The following LTBP2 variants were observed in gnomAD, a reference collection of about 807,000 sequenced individuals.
The protein encoded by LTBP2 is latent-transforming growth factor beta-binding protein 2.
LTBP2 carries 103 observed loss-of-function variants against 210.6 expected under a neutral mutation model. The ratio of observed to expected loss-of-function variants is 0.49; its 90% CI spans 0.42 to 0.58. The LOEUF (loss-of-function observed/expected upper bound fraction) is 0.58, where lower values mean the gene tolerates loss of function less well. LTBP2 is among the 20% of genes least tolerant of loss of function. LTBP2 has a pLI of 0.00. For synonymous variants in LTBP2, 1,007 were observed against 1,015.0 expected (o/e 0.99, Z 0.15); for missense variants, 2,313 against 2,494.5 (o/e 0.93, Z 1.55).
chr14:74,587,240 G>T (rs1474396715), intron 2 of LTBP2, among the ~76,000 whole-genome samples: 3 of 152,052 alleles, frequency 2.0e-5, no homozygotes, highest in Admixed American at 1.3e-4. Flanking sequence ...TCCATCTGTC[G>T]CTCATTCATT....
chr14:74,510,037 G>A, intron 20 of LTBP2, 54 bp downstream of exon 20: 1 of 1,613,526 alleles, frequency 6.2e-7, no homozygotes, highest in Non-Finnish European at 8.5e-7. Context: ...CAGAGGGGAG[G>A]GAGCCACAAG....
Position 74,507,272 on chromosome 14 carries a change from C to G in LTBP2, c.3814G>C (p.Gly1272Arg), listed in dbSNP as rs771205831. Reference protein sequence around the residue: ...ECEDYGDPVCGTWKCENSPGS... With the variant: ...ECEDYGDPVCRTWKCENSPGS... ...GGGCTGTTTTCACACTTCCAGGTGC[C>G]ACACACCGGGTCTCCATAGTCCTCA... is the stretch of plus-strand genomic sequence containing the variant. Residue 1272 changes from glycine (G) to arginine (R), a missense_variant, in exon 26 of 36, where the codon GGC becomes CGC. Transcript: ENST00000261978. 4 of 1,614,212 alleles carry G rather than the reference C, an allele frequency of 2.5e-6. No individual in the cohort carries two copies. The highest frequency in any genetic ancestry group is 2.5e-6 in the Non-Finnish European group (3 of 1,180,024).
chr14:74,504,721 A>T, intron 30 of LTBP2, 57 bp downstream of exon 30: 1 of 1,550,178 alleles, frequency 6.5e-7, no homozygotes, highest in Non-Finnish European at 8.9e-7. Context: ...CCTGTGGAGG[A>T]GCAGGCTAGG....
intron 8 of LTBP2, among the ~76,000 whole-genome samples, chr14:74,548,907 A>G (rs1595268396): frequency 6.6e-6 from 1 of 152,350 alleles, no homozygotes; most frequent in Admixed American, 6.5e-5. Context: ...GGAGCTGAAC[A>G]CTACCCTTTG....
intron 8 of LTBP2, among the ~76,000 whole-genome samples, chr14:74,547,403 G>C (rs1372920403): frequency 6.6e-6 from 1 of 152,160 alleles, no homozygotes; most frequent in Non-Finnish European, 1.5e-5. Flanking sequence ...GGTTCCGAGA[G>C]GGGCATAGAC....
chr14:74,544,636 G>T (rs183698391), intron 8 of LTBP2, among the ~76,000 whole-genome samples: 1 of 152,086 alleles, frequency 6.6e-6, no homozygotes, highest in Non-Finnish European at 1.5e-5. Flanking sequence ...TATAACTCTC[G>T]TCATGGGCAA....
chr14:74,507,145 CCCTCTCT>C, intron 26 of LTBP2, 27 bp downstream of exon 26: 1 of 1,613,992 alleles, frequency 6.2e-7, no homozygotes, highest in Non-Finnish European at 8.5e-7. Flanking sequence ...GTTTTCTCAG[CCCTCTCT>C]CCTCTCTCTC....
Position 74,508,881 on chromosome 14 carries a change from G to T in LTBP2, c.3475C>A (p.Gln1159Lys). The change falls in exon 23 of 36, where the codon CAG becomes AAG. Residue 1159 changes from glutamine (Q) to lysine (K), a missense_variant. Physicochemically the swap from Gln to Lys is moderately conservative, Grantham distance 53. This residue lies in a region of LTBP2 where 1,867 missense variants were observed against 1,976.9 expected (regional missense o/e 0.94). Transcript: ENST00000261978. ...TGGAAGCCCTGGGGACAGAGGCACT[G>T]GTAGGAGCCCACAGTGTTCTTGCAC... ...GECKNTVGSY[Q>K]CLCPQGFQLA... is the part of the protein sequence containing the mutation. 6.2e-7 allele frequency: 1 copy of T among 1,613,784 alleles called. No individual in the cohort carries two copies. The highest frequency in any genetic ancestry group is 1.7e-5 in the Admixed American group (1 of 60,018).
chr14:74,528,974 G>A lies in LTBP2; in HGVS notation c.2136C>T (p.Cys712=). Reference sequence around the variant, plus strand: ...GGAGGTTACCTGTGCCAGGCAGAGGGCATTTCTCACACTCGCTGCCCCATG... The same window carrying A: ...GGAGGTTACCTGTGCCAGGCAGAGGACATTTCTCACACTCGCTGCCCCATG... ...GKAWGSECEK[C]PLPGTEAFRE... The change falls in exon 11 of 36, where the codon TGC becomes TGT. Residue 712 remains cysteine, a synonymous_variant. Transcript: ENST00000261978. The A allele has an allele frequency of 6.2e-7, 1 of 1,611,090 alleles. No homozygotes were observed. Among genetic ancestry groups the A allele is most frequent in the Non-Finnish European group, 8.5e-7 (1 of 1,179,162 alleles).
chr14:74,578,576 A>AC (rs1465159188), intron 3 of LTBP2, among the ~76,000 whole-genome samples: 1 of 152,002 alleles, frequency 6.6e-6, no homozygotes, highest in East Asian at 1.9e-4. Flanking sequence ...TCCTCAGGGC[A>AC]CCCAGCACTG....
At chr14:74,565,844 T>C (rs905057765) in intron 3 of LTBP2, among the ~76,000 whole-genome samples, 1 of 152,180 alleles carries the variant, frequency 6.6e-6, no homozygotes, top group East Asian at 1.9e-4. Flanking sequence ...GTTTTCCAAT[T>C]TAAAAGGGGA....
intron 2 of LTBP2, among the ~76,000 whole-genome samples, chr14:74,590,721 G>A (rs1249736316): frequency 6.6e-6 from 1 of 152,318 alleles, no homozygotes; most frequent in Middle Eastern, 3.4e-3. Flanking sequence ...ATTATTCTAA[G>A]TGAAGTAGCT....
At chr14:74,510,254 C>T (rs527587139) in intron 19 of LTBP2, 41 bp from the exon 20 acceptor site, 1 of 1,609,568 alleles carries the variant, frequency 6.2e-7, no homozygotes, top group South Asian at 1.1e-5. Context: ...GGCCTCCTCC[C>T]CATCCTGCAG....
At chr14:74,599,133 T>C (rs1020193852) in intron 2 of LTBP2, among the ~76,000 whole-genome samples, 2 of 152,236 alleles carry the variant, frequency 1.3e-5, no homozygotes, top group Admixed American at 1.3e-4. Context: ...ATGCCCATTT[T>C]ATGGACGAGG....
chr14:74,552,463 C>T (rs1158567377), intron 5 of LTBP2, 70 bp from the exon 6 acceptor site: 6 of 1,441,178 alleles, frequency 4.2e-6, no homozygotes, highest in African/African-American at 2.8e-5. Context: ...CTGGTGACCA[C>T]CACAGAGAAA....
At chr14:74,603,404 G>C (rs1002580192) in intron 2 of LTBP2, among the ~76,000 whole-genome samples, 1 of 152,190 alleles carries the variant, frequency 6.6e-6, no homozygotes, top group African/African-American at 2.4e-5. Flanking sequence ...TGGGATTACA[G>C]GCATGAGCCA....
At chr14:74,599,294 G>GC (rs890021497) in intron 2 of LTBP2, among the ~76,000 whole-genome samples, 1 of 152,188 alleles carries the variant, frequency 6.6e-6, no homozygotes, top group Non-Finnish European at 1.5e-5. Context: ...TAACTTGCCT[G>GC]CCCCCTCCTC....
intron 3 of LTBP2, among the ~76,000 whole-genome samples, chr14:74,580,416 CAG>C (rs899577004): frequency 6.6e-6 from 1 of 152,186 alleles, no homozygotes; most frequent in Non-Finnish European, 1.5e-5. Flanking sequence ...GAAGACAACA[CAG>C]AGACACACAG....
At position 74,601,634 on chromosome 14, in the gene LTBP2, G is replaced by A. The variant is rs74657389; in HGVS notation, c.565+2001C>T. On this transcript the variant is annotated intron_variant, in intron 2 of 35. Coordinates refer to ENST00000261978, the MANE Select transcript of LTBP2 (RefSeq NM_000428.3). ...AGCTGCATCTTCAAACAGGCAGAGG[G>A]TCAGGGCCACGAGGCCTGAGGCAGA... Among the ~76,000 whole-genome samples, 1,097 of 152,308 alleles carry A rather than the reference G, an allele frequency of 7.2e-3. 39 individuals are homozygous for A. Among genetic ancestry groups the A allele is most frequent in the Admixed American group, 0.05 (770 of 15,304 alleles).
Sources: gnomAD v4.1 joint callset for allele counts (sites outside exome capture counted in the v4.1 genomes callset) on GRCh38, gnomAD v4.1.1 for gene constraint, gnomAD v4.1.1 regional missense constraint, MANE v1.5 for transcripts, NCBI Gene and HGNC (gene_info 2026-07-23, HGNC 2026-07-21) for gene names.